PLEKHG3: variants seen among roughly 807,000 people sequenced by gnomAD.
PLEKHG3 encodes the protein pleckstrin homology and RhoGEF domain containing G3.
PLEKHG3 carries 62 observed loss-of-function variants against 94.9 expected under a neutral mutation model. The observed-to-expected ratio is 0.65, with a 90% CI of 0.53 to 0.81. The LOEUF (loss-of-function observed/expected upper bound fraction) is 0.81, where lower values mean the gene tolerates loss of function less well. Among genes scored for constraint, PLEKHG3 ranks in the 30% least tolerant of loss-of-function variants. PLEKHG3 has a pLI of 0.00. For synonymous variants in PLEKHG3, 614 were observed against 654.0 expected, an observed-to-expected ratio of 0.94 and a Z score of 0.93; for missense variants, 1,461 against 1,619.3, an observed-to-expected ratio of 0.90 and a Z score of 1.68.
rs1364983036 is a variant in PLEKHG3 at position 64,741,267 on chromosome 14, G to A, written c.1750G>A (p.Gly584Arg). 1 of 1,613,924 alleles carries A rather than the reference G, an allele frequency of 6.2e-7. No individual in the cohort carries two copies. Among genetic ancestry groups the A allele is most frequent in the South Asian group, 1.1e-5 (1 of 91,080 alleles). Reference protein sequence around the residue: ...ALSSEEEEEMGGAAQEPESLL... With the variant: ...ALSSEEEEEMRGAAQEPESLL... Reference sequence around the variant, plus strand: ...GAGCAGCGAGGAGGAAGAAGAAATGGGAGGTGCCGCCCAGGAGCCTGAGAG... The same window carrying A: ...GAGCAGCGAGGAGGAAGAAGAAATGAGAGGTGCCGCCCAGGAGCCTGAGAG... The change falls in exon 16 of 17, where the codon GGA (glycine) becomes AGA (arginine). Residue 584 changes from glycine (G) to arginine (R), a missense_variant. Coordinates refer to ENST00000247226, the MANE Select transcript of PLEKHG3 (RefSeq NM_001308147.2).
rs2081438455 is a variant in PLEKHG3, at chr14:64,730,580, A to C, written c.520-62A>C. ...TCTGGGGGCCAGGGGCCTATCTGCT[A>C]CCACCATCTTTACTGTCAAATGAGA... On this transcript the variant is annotated intron_variant, in intron 4 of 16. Coordinates refer to ENST00000247226, the MANE Select transcript of PLEKHG3 (RefSeq NM_001308147.2). The surrounding 1 kb of genome is among the most constrained non-coding windows in gnomAD (Gnocchi z 5.4). The C allele has an allele frequency of 7.1e-7, 1 of 1,408,332 alleles. No homozygotes were observed. Among genetic ancestry groups the C allele is most frequent in the African/African-American group, 1.4e-5 (1 of 70,794 alleles). 87.2% of individuals were successfully genotyped at this position (1,408,332 alleles called of 1,614,324 possible).
intron 16 of PLEKHG3, 90 bp from the exon 17 acceptor site, chr14:64,742,892 C>G (rs7161278): frequency 0.057 from 73,895 of 1,299,584 alleles, 2,397 homozygotes; most frequent in Non-Finnish European, 0.062. Flanking sequence ...CCAGCCTTGC[C>G]TGGAAAGTGA....
chr14:64,738,883 T>C lies in PLEKHG3; in HGVS notation c.1518+28T>C. 7.1e-7 allele frequency: 1 copy of C among 1,407,952 alleles called. No homozygotes were observed. Among genetic ancestry groups the C allele is most frequent in the Non-Finnish European group, 9.9e-7 (1 of 1,013,760 alleles). 87.2% of individuals were successfully genotyped at this position (1,407,952 alleles called of 1,614,324 possible). On this transcript the variant is annotated intron_variant, in intron 15 of 16. Transcript: ENST00000247226. The surrounding 1 kb of genome is among the most constrained non-coding windows in gnomAD (Gnocchi z 4.8). The stretch of plus-strand genomic sequence containing the variant: ...GAGCGACCAGCAGGTGGGATGGGGA[T>C]AGTAGGAAGAACTTGGAGTCCAGAT...
At chr14:64,706,088 TG>T (rs2080966944) in intron 1 of PLEKHG3, among the ~76,000 whole-genome samples, 1 of 152,168 alleles carries the variant, frequency 6.6e-6, no homozygotes, top group African/African-American at 2.4e-5. Context: ...AGAGCTGCTT[TG>T]GGGGCTTTTC....
intron 1 of PLEKHG3, among the ~76,000 whole-genome samples, chr14:64,719,868 G>A (rs1263221796): frequency 1.3e-5 from 2 of 152,168 alleles, no homozygotes; most frequent in African/African-American, 4.8e-5. Flanking sequence ...AAGTAGCAGC[G>A]GTCCTGTGAA....
chr14:64,716,029 A>G lies in PLEKHG3; in HGVS notation c.-40+11325A>G, dbSNP rs1257031544. On this transcript the variant is annotated intron_variant, in intron 1 of 16. Coordinates refer to ENST00000247226, the MANE Select transcript of PLEKHG3 (RefSeq NM_001308147.2). This position sits in a 1 kb window ranked among gnomAD's most constrained non-coding sequence, Gnocchi z 5.0. ...TGCTAGGTTGCCGGTGCTGGGGACAATGCGGCTGCCCGGCCCCTCGCCACC... is the reference window on the plus strand; with the variant it reads ...TGCTAGGTTGCCGGTGCTGGGGACAGTGCGGCTGCCCGGCCCCTCGCCACC... 4.4e-6 allele frequency: 2 copies of G among 456,230 alleles called. No individual in the cohort carries two copies. Among genetic ancestry groups the G allele is most frequent in the Non-Finnish European group, 8.8e-6 (2 of 226,774 alleles). The allele number at this position is 456,230 out of a possible 1,614,324, so 28.3% of individuals were successfully genotyped here.
rs2139412257 is a variant in PLEKHG3, at chr14:64,748,737, C to T, written c.*5034C>T. 6.5e-6 allele frequency: 1 copy of T among 154,778 alleles called. No individual in the cohort carries two copies. Among genetic ancestry groups the T allele is most frequent in the Non-Finnish European group, 1.4e-5 (1 of 70,014 alleles). The allele number at this position is 154,778 out of a possible 1,614,324, so 9.6% of individuals were successfully genotyped here. ...ACCCAGTCTGGTCCCCTCAGCCCCCCAGAGCCCCTGGCCCAGAGCTAGGGC... is the reference window on the plus strand; with the variant it reads ...ACCCAGTCTGGTCCCCTCAGCCCCCTAGAGCCCCTGGCCCAGAGCTAGGGC... On this transcript the variant is annotated 3_prime_UTR_variant, in exon 17 of 17. Coordinates refer to ENST00000247226, the MANE Select transcript of PLEKHG3 (RefSeq NM_001308147.2).
chr14:64,748,030 G>A lies in PLEKHG3; in HGVS notation c.*4327G>A, dbSNP rs1407045015. On this transcript the variant is annotated 3_prime_UTR_variant, in exon 17 of 17. Coordinates refer to ENST00000247226, the MANE Select transcript of PLEKHG3 (RefSeq NM_001308147.2). ...GGAGGGTGGTAGATATTTGACCTCT[G>A]TACTCATGTGACCCCCTCCCCGCCA... 6.6e-6 allele frequency: 1 copy of A among 152,110 alleles called. No individual in the cohort carries two copies. 9.4% of individuals were successfully genotyped at this position (152,110 alleles called of 1,614,324 possible).
In PLEKHG3 at chr14:64,727,404, G is replaced by T. The variant is rs758408302; in HGVS notation, c.-39-189G>T. On this transcript the variant is annotated intron_variant, in intron 1 of 16. Transcript: ENST00000247226. This position sits in a 1 kb window ranked among gnomAD's most constrained non-coding sequence, Gnocchi z 6.0. Reference sequence around the variant, plus strand: ...TAAGTGTACAGTTCAGTGACAGTAGGTACATTCATATCATTGTGCAATGTC... The same window carrying T: ...TAAGTGTACAGTTCAGTGACAGTAGTTACATTCATATCATTGTGCAATGTC... Among the ~76,000 whole-genome samples, 11 of 152,142 alleles carry T rather than the reference G, an allele frequency of 7.2e-5. No individual in the cohort carries two copies. The highest frequency in any genetic ancestry group is 1.5e-4 in the Non-Finnish European group (10 of 68,020).
chr14:64,706,236 G>T (rs1034936115), intron 1 of PLEKHG3, among the ~76,000 whole-genome samples: 8 of 152,180 alleles, frequency 5.3e-5, no homozygotes, highest in African/African-American at 1.7e-4. Flanking sequence ...TGAAGAGTGC[G>T]AGTCACTTGG....
In PLEKHG3 at chr14:64,720,575, T is replaced by C. The variant is rs2081245459; in HGVS notation, c.-39-7018T>C. 6.6e-6 allele frequency among the ~76,000 whole-genome samples: 1 copy of C among 152,020 alleles called. No homozygotes were observed. Among genetic ancestry groups the C allele is most frequent in the African/African-American group, 2.4e-5 (1 of 41,350 alleles). On this transcript the variant is annotated intron_variant, in intron 1 of 16. Transcript: ENST00000247226. This position sits in a 1 kb window ranked among gnomAD's most constrained non-coding sequence, Gnocchi z 4.1. ...GGGAAAGAAGGCCCAGCCCACTGGG[T>C]TTTACTGTATTGTCCAGAAGAGATG... is the stretch of plus-strand genomic sequence containing the variant.
rs759675302 is a variant in PLEKHG3, at chr14:64,707,175, C to T, written c.-40+2471C>T. 7.9e-5 allele frequency among the ~76,000 whole-genome samples: 12 copies of T among 152,344 alleles called. No homozygotes were observed. In the South Asian group the frequency reaches 1.2e-3, roughly 16 times the overall value. On this transcript the variant is annotated intron_variant, in intron 1 of 16. Coordinates refer to ENST00000247226, the MANE Select transcript of PLEKHG3 (RefSeq NM_001308147.2). ...TCCCTCCTCAGCAGAAGCCCTCCAG[C>T]GGGGGCCCTGGCAGCTGGAAATCAC... is the stretch of plus-strand genomic sequence containing the variant.
rs1399136854 is a variant in PLEKHG3 at position 64,744,737 on chromosome 14, C to G, written c.*1034C>G. 2.0e-5 allele frequency: 3 copies of G among 150,796 alleles called. No individual in the cohort carries two copies. The highest frequency in any genetic ancestry group is 4.4e-5 in the Non-Finnish European group (3 of 67,926). 9.3% of individuals were successfully genotyped at this position (150,796 alleles called of 1,614,324 possible). A position where few individuals can be genotyped will look rare whatever the true frequency, so the allele number is the denominator to read the frequency against. On this transcript the variant is annotated 3_prime_UTR_variant, in exon 17 of 17. Transcript: ENST00000247226. ...AGTATCTGGTGCCTTTTGCGTTTCT[C>G]TCCGGTCCCCAGGAAACATCCTAGA...
At position 64,732,898 on chromosome 14, in the gene PLEKHG3, T is replaced by A. The variant is rs1366375976; in HGVS notation, c.1342T>A (p.Ser448Thr). ...STNVRQGRRQSEPTKHLLRQL... is the reference protein window; with the variant it reads ...STNVRQGRRQTEPTKHLLRQL... ...CAATGTGCGCCAGGGGCGCCGGCAATCTGGTAAGAGAAGGGCTGTGGAGGC... is the reference window on the plus strand; with the variant it reads ...CAATGTGCGCCAGGGGCGCCGGCAAACTGGTAAGAGAAGGGCTGTGGAGGC... The change falls in exon 12 of 17, where the codon TCT becomes ACT. Residue 448 changes from serine to threonine, a missense_variant. By Grantham distance (58) the Ser-to-Thr change is moderately conservative (BLOSUM62 1). Transcript: ENST00000247226. This position sits in a 1 kb window ranked among gnomAD's most constrained non-coding sequence, Gnocchi z 4.9. 6.3e-7 allele frequency: 1 copy of A among 1,597,638 alleles called. No individual in the cohort carries two copies. The highest frequency in any genetic ancestry group is 8.5e-7 in the Non-Finnish European group (1 of 1,170,186).
At chr14:64,724,400 G>A (rs1445575824) in intron 1 of PLEKHG3, among the ~76,000 whole-genome samples, 1 of 147,472 alleles carries the variant, frequency 6.8e-6, no homozygotes, top group African/African-American at 2.7e-5. Context: ...TCCTGCCCAA[G>A]AGAGAGAGAG....
chr14:64,739,105 G>A lies in PLEKHG3; in HGVS notation c.1518+250G>A, dbSNP rs1184446687. ...TGGGCAGATGCAGTCCCATGTCAAG[G>A]GCACGCAGCTAGTGGAAATGAACCA... is the stretch of plus-strand genomic sequence containing the variant. On this transcript the variant is annotated intron_variant, in intron 15 of 16. Coordinates refer to ENST00000247226, the MANE Select transcript of PLEKHG3 (RefSeq NM_001308147.2). This position sits in a 1 kb window ranked among gnomAD's most constrained non-coding sequence, Gnocchi z 4.1. Among the ~76,000 whole-genome samples, 1 of 152,154 alleles carries A rather than the reference G, an allele frequency of 6.6e-6. No individual in the cohort carries two copies. The highest frequency in any genetic ancestry group is 2.4e-5 in the African/African-American group (1 of 41,434).
Position 64,743,824 on chromosome 14 carries a change from A to T in PLEKHG3, c.*121A>T. The T allele has an allele frequency of 9.3e-7, 1 of 1,075,716 alleles. No individual in the cohort carries two copies. The highest frequency in any genetic ancestry group is 1.3e-6 in the Non-Finnish European group (1 of 775,008). The allele number at this position is 1,075,716 out of a possible 1,614,324, so 66.6% of individuals were successfully genotyped here. A position where few individuals can be genotyped will look rare whatever the true frequency, so the allele number is the denominator to read the frequency against. ...GGGCCCTCAGGTGGGCGGAAAGTCC[A>T]TCCCCTCCGCCCTTCAGGAAGGATG... On this transcript the variant is annotated 3_prime_UTR_variant, in exon 17 of 17. Transcript: ENST00000247226. This position sits in a 1 kb window ranked among gnomAD's most constrained non-coding sequence, Gnocchi z 7.2.
chr14:64,746,250 G>A lies in PLEKHG3; in HGVS notation c.*2547G>A, dbSNP rs1414741472. The stretch of plus-strand genomic sequence containing the variant: ...CTCTTAGGCTCAGTTCAAAGGGAGA[G>A]GAGGCTAGTTAAATAAGAAACTGAG... On this transcript the variant is annotated 3_prime_UTR_variant, in exon 17 of 17. Coordinates refer to ENST00000247226, the MANE Select transcript of PLEKHG3 (RefSeq NM_001308147.2). The surrounding 1 kb of genome is among the most constrained non-coding windows in gnomAD (Gnocchi z 4.9). 1 of 152,222 alleles carries A rather than the reference G, an allele frequency of 6.6e-6. No individual in the cohort carries two copies. The highest frequency in any genetic ancestry group is 1.5e-5 in the Non-Finnish European group (1 of 68,038). 9.4% of individuals were successfully genotyped at this position (152,222 alleles called of 1,614,324 possible).
intron 12 of PLEKHG3, among the ~76,000 whole-genome samples, 186 bp from the exon 13 acceptor site, chr14:64,736,667 G>A (rs904247447): frequency 6.6e-6 from 1 of 152,216 alleles, no homozygotes; most frequent in African/African-American, 2.4e-5. Context: ...CCGCCTCCCT[G>A]TCCGTAGGTG....
Sources: allele counts gnomAD v4.1 joint callset (sites outside exome capture counted in the v4.1 genomes callset), GRCh38; gene constraint gnomAD v4.1.1; non-coding constraint Gnocchi (gnomAD v3.1); transcripts MANE v1.5; gene names NCBI Gene and HGNC (gene_info 2026-07-23, HGNC 2026-07-21).